The following NPNT variants were observed in gnomAD, a reference collection of about 807,000 sequenced individuals.
NPNT encodes nephronectin, also known as preosteoblast EGF-like repeat protein with MAM domain.
In NPNT, 45 loss-of-function variants were observed where a neutral mutation model predicts 68.6. That is an observed-to-expected ratio of 0.66 (90% CI 0.52 to 0.84). The LOEUF is 0.84. Among genes scored for constraint, NPNT ranks in the 40% least tolerant of loss-of-function variants. The pLI is 0.00. For synonymous variants in NPNT, 233 were observed against 253.3 expected (o/e 0.92, Z 0.76); for missense variants, 672 against 714.8 (o/e 0.94, Z 0.68).
intron 4 of NPNT, among the ~76,000 whole-genome samples, chr4:105,937,886 A>G (rs977621586): frequency 2.0e-5 from 3 of 152,212 alleles, no homozygotes; most frequent in Non-Finnish European, 4.4e-5. Flanking sequence ...TTAACATTGC[A>G]TAAGTATAGC....
chr4:105,929,731 G>A (rs1341535433), intron 3 of NPNT, among the ~76,000 whole-genome samples: 3 of 152,138 alleles, frequency 2.0e-5, no homozygotes, highest in Non-Finnish European at 2.9e-5. Context: ...TAAAGAAGAC[G>A]ATTAAAATAA....
intron 10 of NPNT, among the ~76,000 whole-genome samples, chr4:105,959,999 A>G (rs1315376580): frequency 6.6e-6 from 1 of 151,904 alleles, no homozygotes; most frequent in Non-Finnish European, 1.5e-5. Context: ...TTTAGTAGAG[A>G]CTAGGTTTCA....
intron 3 of NPNT, among the ~76,000 whole-genome samples, chr4:105,934,475 A>G (rs1192109960): frequency 1.3e-5 from 2 of 152,208 alleles, no homozygotes; most frequent in Non-Finnish European, 2.9e-5. Flanking sequence ...ATCCTATTTT[A>G]TAGTATCTGA....
In NPNT at chr4:105,938,334, AT is replaced by A; in HGVS notation, c.420del (p.Tyr140Ter). The A allele has an allele frequency of 6.2e-7, 1 of 1,613,712 alleles. No individual in the cohort carries two copies. The highest frequency in any genetic ancestry group is 1.1e-5 in the South Asian group (1 of 91,074). ...ACCTGCTCCATGGCAAACTGTCAGT[AT>A]GGCTGTGATGTTGTTAAAGGACAAA... is the stretch of plus-strand genomic sequence containing the variant. Reference protein sequence around the residue: ...ALTCSMANCQYGCDVVKGQIR... With the variant: ...ALTCSMANCQXGCDVVKGQIR... On this transcript the variant is annotated frameshift_variant, in exon 5 of 12. Coordinates refer to ENST00000379987, the MANE Select transcript of NPNT (RefSeq NM_001033047.3). LOFTEE classifies it high-confidence loss of function.
At chr4:105,968,213 G>GT (rs1732323990) in intron 11 of NPNT, among the ~76,000 whole-genome samples, 2 of 152,206 alleles carry the variant, frequency 1.3e-5, no homozygotes, top group African/African-American at 4.8e-5. Flanking sequence ...CATTAATACA[G>GT]TTTTTATCAG....
chr4:105,967,370 G>A lies in NPNT; in HGVS notation c.1528G>A (p.Ala510Thr), dbSNP rs1460456269. 6 of 1,607,666 alleles carry A rather than the reference G, an allele frequency of 3.7e-6. No individual in the cohort carries two copies. The highest frequency in any genetic ancestry group is 4.2e-6 in the Non-Finnish European group (5 of 1,177,234). ...GAGAAAACACGGTGCCCACGGAGCA[G>A]CCCTGTGGGGAAGAAATGGTGGCCA... ...FVRKHGAHGA[A>T]LWGRNGGHGW... The change falls in exon 11 of 12, where the codon GCC (alanine) becomes ACC (threonine). Residue 510 changes from alanine (A) to threonine (T), a missense_variant. Coordinates refer to ENST00000379987, the MANE Select transcript of NPNT (RefSeq NM_001033047.3).
intron 1 of NPNT, chr4:105,896,022 T>C: frequency 2.3e-6 from 1 of 435,220 alleles, no homozygotes; most frequent in Non-Finnish European, 4.1e-6. Context: ...GGATCTCGGC[T>C]CTGAGGGCGC....
chr4:105,927,507 C>A, intron 3 of NPNT, 79 bp downstream of exon 3: 3 of 801,360 alleles, frequency 3.7e-6, no homozygotes, highest in South Asian at 2.1e-5. Flanking sequence ...TTATCTCAAA[C>A]TACTTTCCAT....
rs1730070820 is a variant in NPNT, at chr4:105,942,592, C to G, written c.1049C>G (p.Pro350Arg). The change falls in exon 8 of 12, where the codon CCA (proline) becomes CGA (arginine). Residue 350 changes from proline (P) to arginine (R), a missense_variant. Transcript: ENST00000379987. ...TPLPPTTPER[P>R]TTGLTTIAPA... ...CTACCACCTACAACCCCAGAAAGGC[C>G]AACCACCGGACTGACAACTATAGCA... 3 of 1,613,892 alleles carry G rather than the reference C, an allele frequency of 1.9e-6. No individual in the cohort carries two copies. Among genetic ancestry groups the G allele is most frequent in the Non-Finnish European group, 2.5e-6 (3 of 1,180,004 alleles).
chr4:105,943,813 CTT>C (rs1280853103), intron 8 of NPNT, among the ~76,000 whole-genome samples: 1 of 152,002 alleles, frequency 6.6e-6, no homozygotes, highest in Non-Finnish European at 1.5e-5. Flanking sequence ...ACCTTTATAA[CTT>C]TTTATCAGGT....
At chr4:105,936,627 A>C (rs900557894) in intron 3 of NPNT, among the ~76,000 whole-genome samples, 3 of 152,258 alleles carry the variant, frequency 2.0e-5, no homozygotes, top group African/African-American at 7.2e-5. Flanking sequence ...TTACATTGTC[A>C]GGATTGGATC....
intron 8 of NPNT, among the ~76,000 whole-genome samples, chr4:105,957,790 T>G (rs1224431661): frequency 6.6e-6 from 1 of 152,156 alleles, no homozygotes; most frequent in Non-Finnish European, 1.5e-5. Flanking sequence ...TGCTGGGCCT[T>G]GAAGGAAGAA....
rs2149377200 is a variant in NPNT, at chr4:105,942,371, T to C, written c.828T>C (p.Ile276=). ...PIHVPKGNGT[I]LKGDTGNNNW... is the part of the protein sequence containing the mutation. ...ATGTACCAAAGGGAAATGGTACCAT[T>C]TTAAAGGGTGACACAGGAAATAATA... Residue 276 remains isoleucine, a synonymous_variant, in exon 8 of 12, where the codon ATT becomes ATC. Coordinates refer to ENST00000379987, the MANE Select transcript of NPNT (RefSeq NM_001033047.3). 6.2e-7 allele frequency: 1 copy of C among 1,613,606 alleles called. No individual in the cohort carries two copies. Among genetic ancestry groups the C allele is most frequent in the East Asian group, 2.2e-5 (1 of 44,838 alleles).
At chr4:105,926,832 T>A (rs1728715306) in intron 2 of NPNT, among the ~76,000 whole-genome samples, 1 of 152,134 alleles carries the variant, frequency 6.6e-6, no homozygotes, top group Admixed American at 6.6e-5. Flanking sequence ...TCCAAAACAA[T>A]GTTGTTTTGG....
chr4:105,901,444 G>A (rs186687843), intron 2 of NPNT, among the ~76,000 whole-genome samples: 11 of 152,228 alleles, frequency 7.2e-5, no homozygotes, highest in Admixed American at 2.0e-4. Flanking sequence ...CTGTTTACTC[G>A]GAGATTTGAC....
At position 105,912,627 on chromosome 4, in the gene NPNT, A is replaced by G. The variant is rs946311448; in HGVS notation, c.172+14626A>G. On this transcript the variant is annotated intron_variant, in intron 2 of 11. Transcript: ENST00000379987. ...CCTGAGGGAGTTGTATTTCATATTC[A>G]TTAATTCTCCATGGAACAATTCAGG... The G allele has an allele frequency of 1.1e-5, 10 of 884,550 alleles. 1 individual carries two copies. The highest frequency in any genetic ancestry group is 5.8e-4 in the Middle Eastern group (1 of 1,730). 54.8% of individuals were successfully genotyped at this position (884,550 alleles called of 1,614,324 possible). A position where few individuals can be genotyped will look rare whatever the true frequency, so the allele number is the denominator to read the frequency against.
rs916893696 is a variant in NPNT, at chr4:105,971,510, G to A, written c.*2520G>A. ...AAAATAAATGAAAATTTTACTTTTCGATGCCAATGATACATTGCACTAAAC... is the reference window on the plus strand; with the variant it reads ...AAAATAAATGAAAATTTTACTTTTCAATGCCAATGATACATTGCACTAAAC... On this transcript the variant is annotated 3_prime_UTR_variant, in exon 12 of 12. Transcript: ENST00000379987. 1.1e-5 allele frequency: 2 copies of A among 176,844 alleles called. No homozygotes were observed. The highest frequency in any genetic ancestry group is 1.1e-4 in the Admixed American group (2 of 18,422). The allele number at this position is 176,844 out of a possible 1,614,324, so 11.0% of individuals were successfully genotyped here.
At chr4:105,968,865 G>T in intron 11 of NPNT, 30 bp from the exon 12 acceptor site, 14 of 1,334,522 alleles carry the variant, frequency 1.0e-5, no homozygotes, top group Non-Finnish European at 1.5e-5. Context: ...GGCAGAGGAG[G>T]CTTGACTGGT....
chr4:105,910,099 T>G (rs2149329442), intron 2 of NPNT, among the ~76,000 whole-genome samples: 1 of 152,246 alleles, frequency 6.6e-6, no homozygotes, highest in African/African-American at 2.4e-5. Context: ...TTAAAGTTTC[T>G]TATCCTTGAT....
Sources: gnomAD v4.1 joint callset for allele counts (sites outside exome capture counted in the v4.1 genomes callset) on GRCh38, gnomAD v4.1.1 for gene constraint, MANE v1.5 for transcripts, NCBI Gene and HGNC (gene_info 2026-07-23, HGNC 2026-07-21) for gene names.